Variants in MTHFS observed in about 807,000 individuals in gnomAD.
MTHFS encodes the protein methenyltetrahydrofolate synthetase, also known as 5-formyltetrahydrofolate cyclo-ligase.
A neutral mutation model predicts 12.7 loss-of-function variants in MTHFS; 7 were observed. The observed-to-expected ratio is 0.55, with a 90% CI of 0.31 to 1.03. The LOEUF is 1.03. Among genes scored for constraint, MTHFS ranks in the 50% least tolerant of loss-of-function variants. The probability of loss-of-function intolerance (pLI) is 0.05; values close to 1 mark genes in which losing one functional copy is unlikely to be tolerated. For synonymous variants in MTHFS, 100 were observed against 97.1 expected, an observed-to-expected ratio of 1.03 and a Z score of -0.18; for missense variants, 252 against 258.1, an observed-to-expected ratio of 0.98 and a Z score of 0.16.
intron 2 of MTHFS, among the ~76,000 whole-genome samples, chr15:79,884,568 T>G (rs1334765631): frequency 6.6e-6 from 1 of 151,988 alleles, no homozygotes; most frequent in Non-Finnish European, 1.5e-5. Context: ...GACTAAGAAT[T>G]CCCCCAAAAC....
At chr15:79,845,592 CA>C in intron 2 of MTHFS, 150 bp from the exon 3 acceptor site, 2 of 1,134,544 alleles carry the variant, frequency 1.8e-6, no homozygotes, top group Non-Finnish European at 2.4e-6. Flanking sequence ...CAGAGTTGGA[CA>C]AAAAAGGAAA....
chr15:79,890,570 T>G (rs1187443715), intron 1 of MTHFS, among the ~76,000 whole-genome samples: 1 of 152,004 alleles, frequency 6.6e-6, no homozygotes, highest in Non-Finnish European at 1.5e-5. Context: ...CTCCCTATTC[T>G]CCAAACTAAA....
intron 2 of MTHFS, among the ~76,000 whole-genome samples, chr15:79,869,676 C>T (rs2034070358): frequency 6.6e-6 from 1 of 152,128 alleles, no homozygotes; most frequent in Non-Finnish European, 1.5e-5. Context: ...TCAAATGATC[C>T]TCCCACCTCG....
chr15:79,865,053 C>T (rs2033986147), intron 2 of MTHFS, among the ~76,000 whole-genome samples: 4 of 152,074 alleles, frequency 2.6e-5, no homozygotes, highest in African/African-American at 4.8e-5. Context: ...GAGAGGTTCA[C>T]AATGAAACAA....
chr15:79,871,003 C>T (rs1307368365), intron 2 of MTHFS, among the ~76,000 whole-genome samples: 1 of 152,022 alleles, frequency 6.6e-6, no homozygotes, highest in East Asian at 1.9e-4. Context: ...ATTAGCTGGG[C>T]GTGGTGGCAC....
chr15:79,897,171 G>A, upstream of MTHFS: 1 of 529,618 alleles, frequency 1.9e-6, no homozygotes, highest in Non-Finnish European at 3.1e-6. Context: ...CTCGCCTCTG[G>A]CCCTTGGGAC....
At chr15:79,849,889 C>T (rs980770024) in intron 2 of MTHFS, among the ~76,000 whole-genome samples, 2 of 152,384 alleles carry the variant, frequency 1.3e-5, no homozygotes, top group Admixed American at 1.3e-4. Flanking sequence ...TTGGAAAACT[C>T]ACCCAACCCC....
intron 2 of MTHFS, among the ~76,000 whole-genome samples, chr15:79,850,671 G>C (rs1480918502): frequency 2.0e-5 from 3 of 152,110 alleles, no homozygotes; most frequent in Non-Finnish European, 4.4e-5. Flanking sequence ...GGACAAGTAA[G>C]GTAAGGACAC....
At chr15:79,848,066 C>T (rs1309843795) in intron 2 of MTHFS, among the ~76,000 whole-genome samples, 1 of 152,150 alleles carries the variant, frequency 6.6e-6, no homozygotes, top group Non-Finnish European at 1.5e-5. Flanking sequence ...GTTCATTGCA[C>T]CATTATTCCC....
intron 2 of MTHFS, among the ~76,000 whole-genome samples, chr15:79,859,612 GTTCGAGA>G (rs2033873207): frequency 6.6e-6 from 1 of 152,092 alleles, no homozygotes; most frequent in Admixed American, 6.5e-5. Flanking sequence ...GAGGTCAGAA[GTTCGAGA>G]CCAGCTTGGC....
intron 2 of MTHFS, among the ~76,000 whole-genome samples, chr15:79,849,424 G>A (rs917929168): frequency 1.3e-5 from 2 of 152,030 alleles, no homozygotes; most frequent in African/African-American, 4.8e-5. Flanking sequence ...CACACTTTGG[G>A]AACACTATGC....
At chr15:79,853,156 C>G (rs1040649455) in intron 2 of MTHFS, among the ~76,000 whole-genome samples, 3 of 152,142 alleles carry the variant, frequency 2.0e-5, no homozygotes, top group Non-Finnish European at 2.9e-5. Flanking sequence ...GAGTGGCTAC[C>G]TCTGAAACAA....
chr15:79,851,791 T>C (rs555626789), intron 2 of MTHFS, among the ~76,000 whole-genome samples: 1 of 152,240 alleles, frequency 6.6e-6, no homozygotes, highest in African/African-American at 2.4e-5. Context: ...ATGGTTCCTA[T>C]TACCAAAAGA....
chr15:79,866,247 G>A (rs1430970184), intron 2 of MTHFS, among the ~76,000 whole-genome samples: 3 of 152,076 alleles, frequency 2.0e-5, no homozygotes, highest in East Asian at 1.9e-4. Flanking sequence ...AACTATTTGA[G>A]TTCAACGGTT....
At chr15:79,852,112 G>C (rs1231337974) in intron 2 of MTHFS, among the ~76,000 whole-genome samples, 1 of 152,166 alleles carries the variant, frequency 6.6e-6, no homozygotes, top group Non-Finnish European at 1.5e-5. Flanking sequence ...CATCAAACAT[G>C]CTTCTAAAAC....
Position 79,888,968 on chromosome 15 carries a change from C to T in MTHFS, c.379+125G>A, listed in dbSNP as rs16971499. ...ACCAGGTAATACAGGTGTCTTGGAACGTAGGCAAAATACAAATTAATCCCT... is the reference window on the plus strand; with the variant it reads ...ACCAGGTAATACAGGTGTCTTGGAATGTAGGCAAAATACAAATTAATCCCT... On this transcript the variant is annotated intron_variant, in intron 2 of 2. Coordinates refer to ENST00000258874, the MANE Select transcript of MTHFS (RefSeq NM_006441.4). The T allele has an allele frequency of 0.012, 17,372 of 1,420,640 alleles. 1,009 individuals are homozygous for T. In the East Asian group the frequency reaches 0.19, roughly 15 times the overall value. 88.0% of individuals were successfully genotyped at this position (1,420,640 alleles called of 1,614,324 possible).
rs1188685553 is a variant in MTHFS, at chr15:79,896,982, C to T, written c.7G>A (p.Ala3Thr). MA[A>T]AAVSSAKRSL... ...CGCTTGGCGCTGCTCACCGCTGCCG[C>T]CGCCATCTCACGCCCAAGCCGAGTC... is the stretch of plus-strand genomic sequence containing the variant. Residue 3 changes from alanine (A) to threonine (T), a missense_variant, in exon 1 of 3, where the codon GCG becomes ACG. Transcript: ENST00000258874. 1 of 1,529,648 alleles carries T rather than the reference C, an allele frequency of 6.5e-7. No individual in the cohort carries two copies. Among genetic ancestry groups the T allele is most frequent in the South Asian group, 1.2e-5 (1 of 83,332 alleles). 94.8% of individuals were successfully genotyped at this position (1,529,648 alleles called of 1,614,324 possible).
intron 2 of MTHFS, among the ~76,000 whole-genome samples, chr15:79,879,607 T>C (rs1454439397): frequency 1.3e-5 from 2 of 152,222 alleles, no homozygotes; most frequent in Admixed American, 1.3e-4. Flanking sequence ...GTTTTTCTGG[T>C]TTGTTTCTGC....
intron 1 of MTHFS, 127 bp downstream of exon 1, chr15:79,896,742 TGCG>T: frequency 9.5e-7 from 1 of 1,056,316 alleles, no homozygotes; most frequent in South Asian, 1.7e-5. Flanking sequence ...AGGGGAAACG[TGCG>T]CGCGCCGGGG....
Sources: gnomAD v4.1 joint callset for allele counts (sites outside exome capture counted in the v4.1 genomes callset) on GRCh38, gnomAD v4.1.1 for gene constraint, MANE v1.5 for transcripts, NCBI Gene and HGNC (gene_info 2026-07-23, HGNC 2026-07-21) for gene names.